The following SRGAP3 variants were observed in gnomAD, a reference collection of about 807,000 sequenced individuals.
SRGAP3 encodes the protein SLIT-ROBO Rho GTPase-activating protein 3.
Under a neutral mutation model 121.1 loss-of-function variants are expected in SRGAP3, and 39 were observed. The observed-to-expected ratio is 0.32, with a 90% CI of 0.25 to 0.42. SRGAP3 has a LOEUF of 0.42. Among genes scored for constraint, SRGAP3 ranks in the 10% least tolerant of loss-of-function variants. The pLI, the probability that SRGAP3 is intolerant of heterozygous loss-of-function variation, is 1.00. For missense variants in SRGAP3, 1,213 were observed against 1,470.6 expected (o/e 0.82, Z 2.86); for synonymous variants, 601 against 570.0 (o/e 1.05, Z -0.77).
chr3:8,983,707 C>T lies in SRGAP3; in HGVS notation c.*1812G>A, dbSNP rs904776338. ...TTACCTTACTAATGATAATCACAAA[C>T]GCATTGTATTGATTCAGTGTTTTCC... On this transcript the variant is annotated 3_prime_UTR_variant, in exon 22 of 22. Transcript: ENST00000383836. 2 of 230,608 alleles carry T rather than the reference C, an allele frequency of 8.7e-6. No homozygotes were observed. The highest frequency in any genetic ancestry group is 2.2e-5 in the African/African-American group (1 of 45,170). 14.3% of individuals were successfully genotyped at this position (230,608 alleles called of 1,614,324 possible).
At chr3:9,291,717 C>G (rs886411566) in intron 3 of SRGAP3, among the ~76,000 whole-genome samples, 1 of 152,028 alleles carries the variant, frequency 6.6e-6, no homozygotes, top group Non-Finnish European at 1.5e-5. Context: ...TTCTACATAC[C>G]TCTGGCACTA....
At chr3:9,090,879 C>T (rs1947724760) in intron 3 of SRGAP3, among the ~76,000 whole-genome samples, 1 of 152,074 alleles carries the variant, frequency 6.6e-6, no homozygotes. Flanking sequence ...TCAGGTGATC[C>T]ACCCGCCTCA....
chr3:9,285,432 A>G (rs370096049), intron 3 of SRGAP3, among the ~76,000 whole-genome samples: 1 of 152,086 alleles, frequency 6.6e-6, no homozygotes, highest in East Asian at 1.9e-4. Flanking sequence ...GAATTCTCCA[A>G]CCTACCTGTG....
At chr3:9,046,969 T>C (rs1180133452) in intron 10 of SRGAP3, among the ~76,000 whole-genome samples, 2 of 152,058 alleles carry the variant, frequency 1.3e-5, no homozygotes, top group Non-Finnish European at 2.9e-5. Context: ...TAGCTGGGAC[T>C]ACAGGCGCCC....
intron 3 of SRGAP3, among the ~76,000 whole-genome samples, chr3:9,081,817 T>G (rs552375152): frequency 1.3e-5 from 2 of 152,360 alleles, no homozygotes; most frequent in South Asian, 4.1e-4. Flanking sequence ...ATTGTGATTA[T>G]GATTTTGGTA....
At chr3:9,115,670 G>A (rs2124949488) in intron 2 of SRGAP3, among the ~76,000 whole-genome samples, 1 of 152,218 alleles carries the variant, frequency 6.6e-6, no homozygotes, top group South Asian at 2.1e-4. Flanking sequence ...GATAAAGAAG[G>A]TAAAGATGAA....
At chr3:9,248,125 T>G (rs1164824329) in intron 1 of SRGAP3, among the ~76,000 whole-genome samples, 1 of 152,238 alleles carries the variant, frequency 6.6e-6, no homozygotes, top group Non-Finnish European at 1.5e-5. Flanking sequence ...AGGCTTCTCC[T>G]GGAACCCCGG....
At chr3:9,004,313 G>A (rs928758123) in intron 18 of SRGAP3, among the ~76,000 whole-genome samples, 2 of 152,166 alleles carry the variant, frequency 1.3e-5, no homozygotes, top group Non-Finnish European at 2.9e-5. Context: ...TTATGGATCA[G>A]AAGACTTAAC....
rs1243488939 is a variant in SRGAP3, at chr3:9,333,674, C to T, written n.215-3078G>A. 4.6e-5 allele frequency among the ~76,000 whole-genome samples: 7 copies of T among 152,296 alleles called. 1 individual carries two copies. Among genetic ancestry groups the T allele is most frequent in the Non-Finnish European group, 8.8e-5 (6 of 68,026 alleles). ...CTCAAAGATTTCTCTCTTTCCCTTTCTTTCTTTCTCCCAGTCTCTCTCCCT... is the reference window on the plus strand; with the variant it reads ...CTCAAAGATTTCTCTCTTTCCCTTTTTTTCTTTCTCCCAGTCTCTCTCCCT... On this transcript the variant is annotated intron_variant and non_coding_transcript_variant, in intron 1 of 3. Coordinates refer to the SRGAP3 transcript ENST00000490889.
chr3:9,110,205 G>A (rs1948566587), intron 2 of SRGAP3, among the ~76,000 whole-genome samples: 1 of 151,350 alleles, frequency 6.6e-6, no homozygotes, highest in Non-Finnish European at 1.5e-5. Flanking sequence ...GAGAGCAAAA[G>A]ATGTCCAGGA....
In SRGAP3 at chr3:9,064,487, T is replaced by C; in HGVS notation, c.581A>G (p.Lys194Arg). The change falls in exon 5 of 22, where the codon AAG becomes AGG. Residue 194 changes from lysine to arginine, a missense_variant. Around this residue, in one of 2 missense-constraint regions of SRGAP3, gnomAD observed 793 missense variants for 1,032.9 expected, o/e 0.77. Transcript: ENST00000383836. ...AEKQEEKQFN[K>R]SGDLSMNLLR... ...CAGGTTCATGCTGAGGTCTCCTGAC[T>C]TATTGAACTGCTTCTCCTCCTGCTT... The C allele has an allele frequency of 6.2e-7, 1 of 1,614,226 alleles. No homozygotes were observed. Among genetic ancestry groups the C allele is most frequent in the Non-Finnish European group, 8.5e-7 (1 of 1,180,036 alleles).
chr3:9,171,844 G>A (rs552382653), intron 1 of SRGAP3, among the ~76,000 whole-genome samples: 1 of 152,098 alleles, frequency 6.6e-6, no homozygotes, highest in Non-Finnish European at 1.5e-5. Flanking sequence ...CCTCGGTTCT[G>A]GGGGCCGGAA....
At chr3:9,007,936 C>T (rs1206869651) in intron 18 of SRGAP3, 1 of 152,214 alleles carries the variant, frequency 6.6e-6, no homozygotes, top group Non-Finnish European at 1.5e-5. Flanking sequence ...TGATTTTCCA[C>T]CAAAGAGTGC....
At position 9,112,400 on chromosome 3, in the gene SRGAP3, T is replaced by A. The variant is rs1948660696; in HGVS notation, c.261-7558A>T. On this transcript the variant is annotated intron_variant, in intron 2 of 21. Transcript: ENST00000383836. Reference sequence around the variant, plus strand: ...GCATTCATTGCACTTGCTTGTAGCATGAATCATTAATTCAGCCAATAGTAA... The same window carrying A: ...GCATTCATTGCACTTGCTTGTAGCAAGAATCATTAATTCAGCCAATAGTAA... 2.0e-5 allele frequency among the ~76,000 whole-genome samples: 3 copies of A among 152,250 alleles called. No individual in the cohort carries two copies. The South Asian group carries it at 6.2e-4, about 31-fold the overall frequency.
chr3:9,117,405 T>C (rs755405477), intron 2 of SRGAP3, among the ~76,000 whole-genome samples: 6 of 152,212 alleles, frequency 3.9e-5, no homozygotes, highest in Non-Finnish European at 7.3e-5. Flanking sequence ...ACAGGAATCC[T>C]CTCTCCCAAC....
intron 1 of SRGAP3, among the ~76,000 whole-genome samples, chr3:9,331,868 A>G (rs1414546866): frequency 6.6e-6 from 1 of 152,188 alleles, no homozygotes; most frequent in Non-Finnish European, 1.5e-5. Flanking sequence ...GAATTAACCC[A>G]TATAAGTGAG....
At position 9,362,147 on chromosome 3, in the gene SRGAP3, C is replaced by T. The variant is rs1203862158; in HGVS notation, n.214+693G>A. The stretch of plus-strand genomic sequence containing the variant: ...CTTCCCAGTCTGTCAAAATGGCTAC[C>T]ATGCAGGTTCAACTCTTTTTTTTTT... On this transcript the variant is annotated intron_variant and non_coding_transcript_variant, in intron 1 of 3. Transcript: ENST00000490889. Among the ~76,000 whole-genome samples the T allele has an allele frequency of 2.7e-5, 4 of 149,604 alleles. No individual in the cohort carries two copies. In the East Asian group the frequency reaches 7.9e-4, roughly 29 times the overall value.
intron 1 of SRGAP3, among the ~76,000 whole-genome samples, chr3:9,141,556 GT>G (rs1949849757): frequency 2.7e-3 from 38 of 14,020 alleles, no homozygotes; most frequent in South Asian, 7.2e-3. Flanking sequence ...CTTCAGGGGT[GT>G]GTGTGTGTGT....
At chr3:9,251,742 A>G (rs983626573), upstream of SRGAP3, among the ~76,000 whole-genome samples, 3 of 152,212 alleles carry the variant, frequency 2.0e-5, no homozygotes, top group East Asian at 5.8e-4. Context: ...AAAGCCATAC[A>G]AAACCAAGGC....
Sources: gnomAD v4.1 joint callset for allele counts (sites outside exome capture counted in the v4.1 genomes callset) on GRCh38, gnomAD v4.1.1 for gene constraint, gnomAD v4.1.1 regional missense constraint, MANE v1.5 for transcripts, NCBI Gene and HGNC (gene_info 2026-07-23, HGNC 2026-07-21) for gene names.